KIF1A: variants seen among roughly 807,000 people sequenced by gnomAD.
The protein encoded by KIF1A is kinesin family member 1A.
KIF1A carries 46 observed loss-of-function variants against 227.3 expected under a neutral mutation model. That is an observed-to-expected ratio of 0.20 (90% CI 0.16 to 0.26). KIF1A has a LOEUF of 0.26. Among genes scored for constraint, KIF1A ranks in the 10% least tolerant of loss-of-function variants. KIF1A has a pLI of 1.00. For missense variants in KIF1A, 1,683 were observed against 2,485.9 expected (o/e 0.68, Z 6.87); for synonymous variants, 1,022 against 1,012.8 (o/e 1.01, Z -0.17).
rs144800036 is a variant in KIF1A, at chr2:240,739,686, G to A, written c.3901+372C>T. ...CACCAGGAGCTGGAAGAGGCAGGGA[G>A]GGATTTTCCCCAACAGGTTTCAGAG... On this transcript the variant is annotated intron_variant, in intron 37 of 48. Transcript: ENST00000498729. This position sits in a 1 kb window ranked among gnomAD's most constrained non-coding sequence, Gnocchi z 5.6. 2.2e-3 allele frequency among the ~76,000 whole-genome samples: 331 copies of A among 152,280 alleles called. 1 individual carries two copies. The highest frequency in any genetic ancestry group is 3.7e-3 in the Non-Finnish European group (253 of 68,008).
At chr2:240,719,613 CA>C (rs1225700118) in intron 46 of KIF1A, among the ~76,000 whole-genome samples, 160 bp downstream of exon 46, 2 of 152,212 alleles carry the variant, frequency 1.3e-5, no homozygotes, top group African/African-American at 4.8e-5. Context: ...CCATGTGGGT[CA>C]GGGGCAGCCT....
intron 38 of KIF1A, among the ~76,000 whole-genome samples, chr2:240,732,633 G>C (rs1421864621): frequency 8.7e-6 from 1 of 115,078 alleles, no homozygotes; most frequent in African/African-American, 3.5e-5. Context: ...ATGAGGAGAT[G>C]AGGGAATGAG....
At chr2:240,820,310 A>T (rs1017208091), upstream of KIF1A, 1 of 149,604 alleles carries the variant, frequency 6.7e-6, no homozygotes, top group Admixed American at 6.6e-5. The surrounding 1 kb of genome is among the most constrained non-coding windows in gnomAD (Gnocchi z 6.2). Flanking sequence ...GCGGCGTCCG[A>T]GCTCCAGTCG....
In KIF1A at chr2:240,806,420, C is replaced by T. The variant is rs1257791580; in HGVS notation, c.-60-8608G>A. On this transcript the variant is annotated intron_variant, in intron 1 of 48. Transcript: ENST00000498729. ...CACAAGGTAAGGAGACATCTGTGAT[C>T]CTATCAGCCAGAACAGGGAGTCCTC... Among the ~76,000 whole-genome samples, 20 of 152,322 alleles carry T rather than the reference C, an allele frequency of 1.3e-4. 1 individual carries two copies. Among genetic ancestry groups the T allele is most frequent in the Admixed American group, 1.3e-3 (20 of 15,302 alleles).
At position 240,724,063 on chromosome 2, in the gene KIF1A, C is replaced by T. The variant is rs780517277; in HGVS notation, c.4257-27G>A. 17 of 1,600,740 alleles carry T rather than the reference C, an allele frequency of 1.1e-5. No individual in the cohort carries two copies. In the East Asian group the frequency reaches 2.7e-4, roughly 25 times the overall value. Reference sequence around the variant, plus strand: ...TGTGGGGAGTAGAAGGAGTGACATGCAGTCACCAGGCCCCGCAACAGGGAC... The same window carrying T: ...TGTGGGGAGTAGAAGGAGTGACATGTAGTCACCAGGCCCCGCAACAGGGAC... On this transcript the variant is annotated intron_variant, in intron 40 of 48. Coordinates refer to ENST00000498729, the MANE Select transcript of KIF1A (RefSeq NM_001244008.2).
intron 20 of KIF1A, 98 bp downstream of exon 20, chr2:240,765,612 C>T: frequency 1.0e-6 from 1 of 976,336 alleles, no homozygotes; most frequent in South Asian, 1.4e-5. Context: ...AGCTGCCATC[C>T]CGCACAGTGC....
intron 10 of KIF1A, chr2:240,782,273 G>A: frequency 1.1e-6 from 1 of 904,280 alleles, no homozygotes; most frequent in Non-Finnish European, 1.3e-6. Context: ...ATGTCCGAGG[G>A]GCTCCTCCGC....
At chr2:240,811,294 A>C (rs936777899) in intron 1 of KIF1A, among the ~76,000 whole-genome samples, 3 of 152,092 alleles carry the variant, frequency 2.0e-5, no homozygotes, top group Non-Finnish European at 4.4e-5. Context: ...GAACCCGGGA[A>C]GCAGAGGTTG....
chr2:240,812,963 A>ACCTCGGGGATCCG (rs1575678011), intron 1 of KIF1A, among the ~76,000 whole-genome samples: 1 of 60,020 alleles, frequency 1.7e-5, no homozygotes, highest in African/African-American at 7.7e-5. Flanking sequence ...TCAAGGATCC[A>ACCTCGGGGATCCG]CCTTCACCTC....
chr2:240,724,837 C>CCTTCTCCTGGGGGCACAATGCCCAG, intron 40 of KIF1A: 1 of 183,278 alleles, frequency 5.5e-6, no homozygotes, highest in Non-Finnish European at 1.1e-5. Context: ...CCCCTTCCAG[C>CCTTCTCCTGGGGGCACAATGCCCAG]CACCGCCCAC....
At chr2:240,784,861 C>CA in intron 7 of KIF1A, 128 bp downstream of exon 7, 1 of 742,134 alleles carries the variant, frequency 1.3e-6, no homozygotes, top group Non-Finnish European at 2.3e-6. Flanking sequence ...AGTGTGAGGA[C>CA]ACTACCCGCC....
chr2:240,721,944 C>A (rs551672626), intron 43 of KIF1A, 60 bp from the exon 44 acceptor site: 2 of 1,403,784 alleles, frequency 1.4e-6, no homozygotes, highest in African/African-American at 1.4e-5. Flanking sequence ...GCTCAGACAG[C>A]CTTGCAGGCT....
At chr2:240,761,493 C>CA in intron 23 of KIF1A, 116 bp from the exon 24 acceptor site, 1 of 935,050 alleles carries the variant, frequency 1.1e-6, no homozygotes, top group Non-Finnish European at 1.5e-6. Context: ...TAAGCTGACC[C>CA]TGTGCTCTGT....
rs780626531 is a variant in KIF1A at position 240,766,743 on chromosome 2, T to TCACACACACACA, written c.1684+171_1684+172insTGTGTGTGTGTG. Among the ~76,000 whole-genome samples, 388 of 125,478 alleles carry TCACACACACACA rather than the reference T, an allele frequency of 3.1e-3. 2 individuals are homozygous for TCACACACACACA. Among genetic ancestry groups the TCACACACACACA allele is most frequent in the East Asian group, 0.024 (83 of 3,492 alleles). The allele number at this position is 125,478 out of a possible 152,430, so 82.3% of individuals were successfully genotyped here. ...CCAAATCTCTCTCTCTCTCTCTCTC[T>TCACACACACACA]CTCTCTCACACACACACACACACAC... is the stretch of plus-strand genomic sequence containing the variant. On this transcript the variant is annotated intron_variant, in intron 19 of 48. Coordinates refer to ENST00000498729, the MANE Select transcript of KIF1A (RefSeq NM_001244008.2). This position sits in a 1 kb window ranked among gnomAD's most constrained non-coding sequence, Gnocchi z 5.0.
At chr2:240,762,985 G>A in intron 22 of KIF1A, 34 bp downstream of exon 22, 3 of 1,450,972 alleles carry the variant, frequency 2.1e-6, no homozygotes, top group Non-Finnish European at 1.8e-6. Flanking sequence ...TGTGGGTGGG[G>A]GCTGGGCAGG....
intron 15 of KIF1A, among the ~76,000 whole-genome samples, chr2:240,770,733 G>A (rs1304675201): frequency 6.6e-6 from 1 of 152,212 alleles, no homozygotes; most frequent in African/African-American, 2.4e-5. Flanking sequence ...CAGCAGCTGA[G>A]TGTTGTGCAG....
rs953681362 is a variant in KIF1A, at chr2:240,793,187, G to C, written c.107-3875C>G. 6.6e-6 allele frequency among the ~76,000 whole-genome samples: 1 copy of C among 152,164 alleles called. No homozygotes were observed. Among genetic ancestry groups the C allele is most frequent in the Non-Finnish European group, 1.5e-5 (1 of 68,024 alleles). ...GCCCACAGCGGAGGCTGGGGGCCTG[G>C]GTCGCACCCACCCTGGGTCCAGATC... On this transcript the variant is annotated intron_variant, in intron 2 of 48. Transcript: ENST00000498729. This position sits in a 1 kb window ranked among gnomAD's most constrained non-coding sequence, Gnocchi z 4.8.
Position 240,807,071 on chromosome 2 carries a change from C to CATATATAT in KIF1A, c.-60-9267_-60-9260dup, listed in dbSNP as rs144429410. On this transcript the variant is annotated intron_variant, in intron 1 of 48. Transcript: ENST00000498729. ...TATTTGCATTTGACCTACACATCCT[C>CATATATAT]ATATATATGTGTGTGTGTGTGTGTG... 4.4e-3 allele frequency among the ~76,000 whole-genome samples: 512 copies of CATATATAT among 115,530 alleles called. 12 individuals are homozygous for CATATATAT. Among genetic ancestry groups the CATATATAT allele is most frequent in the African/African-American group, 0.019 (476 of 25,596 alleles). The allele number at this position is 115,530 out of a possible 152,430, so 75.8% of individuals were successfully genotyped here. A position where few individuals can be genotyped will look rare whatever the true frequency, so the allele number is the denominator to read the frequency against.
In KIF1A at chr2:240,721,829, C is replaced by T; in HGVS notation, c.4721G>A (p.Cys1574Tyr). ...CACCTTGCTCTCGCTGGCACTGACG[C>T]AGACGTGGCTGTGTGTGTACTCTCT... ...FNREYTHSHV[C>Y]VSASESKLSE... The change falls in exon 44 of 49, where the codon TGC becomes TAC. Residue 1574 changes from cysteine to tyrosine, a missense_variant. Transcript: ENST00000498729. 1 of 1,607,014 alleles carries T rather than the reference C, an allele frequency of 6.2e-7. No individual in the cohort carries two copies. The highest frequency in any genetic ancestry group is 1.3e-5 in the African/African-American group (1 of 75,052).
Sources: allele counts gnomAD v4.1 joint callset (sites outside exome capture counted in the v4.1 genomes callset), GRCh38; gene constraint gnomAD v4.1.1; non-coding constraint Gnocchi (gnomAD v3.1); transcripts MANE v1.5; gene names NCBI Gene and HGNC (gene_info 2026-07-23, HGNC 2026-07-21).